The following CACNB2 variants were observed in gnomAD, a reference collection of about 807,000 sequenced individuals.
CACNB2 encodes the protein calcium voltage-gated channel auxiliary subunit beta 2, also known as voltage-dependent L-type calcium channel subunit beta-2.
Under a neutral mutation model 73.3 loss-of-function variants are expected in CACNB2, and 42 were observed. The ratio of observed to expected loss-of-function variants is 0.57; its 90% CI spans 0.45 to 0.74. CACNB2 has a LOEUF of 0.74. CACNB2 is among the 30% of genes least tolerant of loss of function. CACNB2 has a pLI of 0.00. For synonymous variants in CACNB2, 348 were observed against 310.3 expected, an observed-to-expected ratio of 1.12 and a Z score of -1.28; for missense variants, 940 against 853.0, an observed-to-expected ratio of 1.10 and a Z score of -1.27.
At chr10:18,340,717 G>C (rs2041196942) in intron 2 of CACNB2, 2 of 1,446,262 alleles carry the variant, frequency 1.4e-6, no homozygotes, top group Non-Finnish European at 1.8e-6. Context: ...CTGCCTAAGT[G>C]GTTCTGGAAC....
At chr10:18,337,908 A>G (rs1687187333) in intron 2 of CACNB2, among the ~76,000 whole-genome samples, 1 of 152,188 alleles carries the variant, frequency 6.6e-6, no homozygotes, top group African/African-American at 2.4e-5. Context: ...GTTATCTTAT[A>G]CCATGAACAA....
intron 2 of CACNB2, among the ~76,000 whole-genome samples, chr10:18,276,358 T>C (rs1445964897): frequency 6.6e-6 from 1 of 152,192 alleles, no homozygotes; most frequent in Non-Finnish European, 1.5e-5. Context: ...GGCAGTTCTG[T>C]ATATACAAAC....
At chr10:18,535,952 G>GTTAA (rs2053529617) in intron 11 of CACNB2, 149 bp from the exon 12 acceptor site, 3 of 605,346 alleles carry the variant, frequency 5.0e-6, no homozygotes, top group South Asian at 4.0e-5. Flanking sequence ...ATGTTAACAT[G>GTTAA]TTAATTTTGC....
At chr10:18,174,383 C>G (rs200622309) in intron 2 of CACNB2, among the ~76,000 whole-genome samples, 2 of 20,646 alleles carry the variant, frequency 9.7e-5, no homozygotes, top group African/African-American at 7.7e-4. Context: ...TTCTCTTTTT[C>G]TTTTCTTTCT....
chr10:18,407,099 G>GTTGTT, intron 3 of CACNB2, among the ~76,000 whole-genome samples: 1 of 89,334 alleles, frequency 1.1e-5, no homozygotes, highest in Middle Eastern at 7.7e-3. Context: ...GTCCAGACCT[G>GTTGTT]CTGTTCTGTC....
At chr10:18,499,061 G>T (rs1244337438) in intron 4 of CACNB2, among the ~76,000 whole-genome samples, 1 of 152,122 alleles carries the variant, frequency 6.6e-6, no homozygotes, top group Non-Finnish European at 1.5e-5. Flanking sequence ...CTGCAAATTG[G>T]AAACTTTCAT....
chr10:18,364,080 G>A (rs905046660), intron 2 of CACNB2, among the ~76,000 whole-genome samples: 2 of 151,436 alleles, frequency 1.3e-5, no homozygotes, highest in African/African-American at 4.9e-5. Context: ...CTGAGTAGTT[G>A]GGATTACAGG....
chr10:18,344,464 G>T (rs2041364632), intron 2 of CACNB2, among the ~76,000 whole-genome samples: 1 of 151,712 alleles, frequency 6.6e-6, no homozygotes, highest in Non-Finnish European at 1.5e-5. Context: ...CCACCTTTTG[G>T]TTAAAGTGTT....
intron 3 of CACNB2, among the ~76,000 whole-genome samples, chr10:18,427,238 A>AT (rs1454167420): frequency 2.6e-5 from 4 of 152,156 alleles, no homozygotes; most frequent in East Asian, 1.9e-4. Flanking sequence ...TGGTCATATG[A>AT]TTTTTTTGTT....
chr10:18,333,493 A>G, intron 2 of CACNB2, among the ~76,000 whole-genome samples: 1 of 150,856 alleles, frequency 6.6e-6, no homozygotes. Flanking sequence ...TTGAAAGAAA[A>G]TTCTATTATG....
At chr10:18,343,558 T>G (rs1044180342) in intron 2 of CACNB2, among the ~76,000 whole-genome samples, 1 of 152,188 alleles carries the variant, frequency 6.6e-6, no homozygotes, top group Non-Finnish European at 1.5e-5. Flanking sequence ...TAGAATATAA[T>G]TATATGGATG....
chr10:18,403,356 T>C (rs978588944), intron 3 of CACNB2, among the ~76,000 whole-genome samples: 1 of 152,246 alleles, frequency 6.6e-6, no homozygotes, highest in Admixed American at 6.5e-5. Flanking sequence ...GTAGTTAATA[T>C]AGGTTGCAGC....
chr10:18,268,797 T>A (rs1001408708), intron 2 of CACNB2, among the ~76,000 whole-genome samples: 1 of 152,208 alleles, frequency 6.6e-6, no homozygotes, highest in Non-Finnish European at 1.5e-5. Context: ...TTAAATATGT[T>A]ATCTCCTACC....
chr10:18,535,352 C>A (rs536344876), intron 11 of CACNB2, among the ~76,000 whole-genome samples: 1 of 152,116 alleles, frequency 6.6e-6, no homozygotes, highest in Non-Finnish European at 1.5e-5. Flanking sequence ...ATTTTCTTCA[C>A]GTATTTCAAC....
At chr10:18,217,379 T>G (rs2035555033) in intron 2 of CACNB2, among the ~76,000 whole-genome samples, 1 of 151,828 alleles carries the variant, frequency 6.6e-6, no homozygotes, top group Non-Finnish European at 1.5e-5. Flanking sequence ...AGTAACTCGG[T>G]AGGCTGAGGC....
At chr10:18,236,412 T>C (rs1438715259) in intron 2 of CACNB2, among the ~76,000 whole-genome samples, 5 of 151,988 alleles carry the variant, frequency 3.3e-5, no homozygotes, top group South Asian at 2.1e-4. Context: ...AAAAAACAGG[T>C]GAGGTAGAGA....
chr10:18,399,272 C>T (rs1378764173), intron 2 of CACNB2, among the ~76,000 whole-genome samples: 3 of 152,298 alleles, frequency 2.0e-5, no homozygotes, highest in South Asian at 2.1e-4. Flanking sequence ...TCAGGAATCC[C>T]CTACCAGGTG....
At chr10:18,349,747 G>T (rs1015903374) in intron 2 of CACNB2, among the ~76,000 whole-genome samples, 18 of 151,910 alleles carry the variant, frequency 1.2e-4, no homozygotes, top group African/African-American at 4.1e-4. Flanking sequence ...AAAGATCCTG[G>T]AGACAGAAGA....
At chr10:18,474,171 A>G (rs1253004433) in intron 3 of CACNB2, among the ~76,000 whole-genome samples, 1 of 152,198 alleles carries the variant, frequency 6.6e-6, no homozygotes, top group African/African-American at 2.4e-5. Flanking sequence ...GAAGGGGAAC[A>G]TTGCAAATCT....
Sources: allele counts gnomAD v4.1 joint callset (sites outside exome capture counted in the v4.1 genomes callset), GRCh38; gene constraint gnomAD v4.1.1; transcripts MANE v1.5; gene names NCBI Gene and HGNC (gene_info 2026-07-23, HGNC 2026-07-21).